The following SEMA5A variants were observed in gnomAD, a reference collection of about 807,000 sequenced individuals.
SEMA5A encodes semaphorin-5A.
SEMA5A carries 55 observed loss-of-function variants against 135.5 expected under a neutral mutation model. The ratio of observed to expected loss-of-function variants is 0.41; its 90% CI spans 0.33 to 0.51. SEMA5A has a LOEUF of 0.51. Ranked by LOEUF, SEMA5A falls within the 20% of genes least tolerant of loss-of-function variation. SEMA5A has a pLI of 0.37. For synonymous variants in SEMA5A, 580 were observed against 546.5 expected, an observed-to-expected ratio of 1.06 and a Z score of -0.85; for missense variants, 1,290 against 1,419.9, an observed-to-expected ratio of 0.91 and a Z score of 1.47.
At chr5:9,434,987 A>G (rs1472235893) in intron 2 of SEMA5A, among the ~76,000 whole-genome samples, 1 of 152,228 alleles carries the variant, frequency 6.6e-6, no homozygotes, top group Non-Finnish European at 1.5e-5. Context: ...GATATAGTAG[A>G]GAGTCAAATA....
intron 2 of SEMA5A, among the ~76,000 whole-genome samples, chr5:9,380,742 A>G (rs544012280): frequency 3.3e-5 from 5 of 152,366 alleles, no homozygotes; most frequent in African/African-American, 4.8e-5. Flanking sequence ...AAAGTAATAC[A>G]GGCCTGTAAA....
In SEMA5A at chr5:9,343,214, C is replaced by T. The variant is rs573305108; in HGVS notation, c.125-5402G>A. On this transcript the variant is annotated intron_variant, in intron 3 of 22. Coordinates refer to ENST00000382496, the MANE Select transcript of SEMA5A (RefSeq NM_003966.3). ...AAACCATTCATCATTTTTTATTACC[C>T]AAGTGTCTTTATGTAAGTATGGAGG... Among the ~76,000 whole-genome samples, 5 of 152,232 alleles carry T rather than the reference C, an allele frequency of 3.3e-5. 1 individual carries two copies. In the South Asian group the frequency reaches 8.3e-4, roughly 25 times the overall value.
intron 18 of SEMA5A, among the ~76,000 whole-genome samples, chr5:9,059,177 T>G (rs1158933587): frequency 6.6e-6 from 1 of 150,944 alleles, no homozygotes; most frequent in Non-Finnish European, 1.5e-5. Flanking sequence ...TTTTCTTTTT[T>G]TTTTTTATAC....
intron 3 of SEMA5A, among the ~76,000 whole-genome samples, chr5:9,354,838 G>A (rs898022078): frequency 6.6e-6 from 1 of 152,172 alleles, no homozygotes; most frequent in Non-Finnish European, 1.5e-5. Flanking sequence ...ACAAGAAAAA[G>A]CCACATAGAG....
chr5:9,146,242 T>C (rs532146946), intron 12 of SEMA5A, among the ~76,000 whole-genome samples: 5 of 152,204 alleles, frequency 3.3e-5, no homozygotes, highest in African/African-American at 4.8e-5. Flanking sequence ...AATTAGCACT[T>C]ACCACTTTTG....
At chr5:9,313,403 T>A (rs1429922108) in intron 5 of SEMA5A, among the ~76,000 whole-genome samples, 2 of 152,066 alleles carry the variant, frequency 1.3e-5, no homozygotes. Context: ...TTAACGTTAC[T>A]TTTCTTTTCT....
At chr5:9,094,697 A>G (rs533209650) in intron 16 of SEMA5A, among the ~76,000 whole-genome samples, 2 of 152,332 alleles carry the variant, frequency 1.3e-5, no homozygotes, top group East Asian at 3.9e-4. Flanking sequence ...TTCTCACACA[A>G]TGACATTAGA....
At chr5:9,067,139 T>C (rs1364896771) in intron 16 of SEMA5A, among the ~76,000 whole-genome samples, 1 of 152,208 alleles carries the variant, frequency 6.6e-6, no homozygotes, top group African/African-American at 2.4e-5. Flanking sequence ...AGACTTTTTT[T>C]ACGTATAAGG....
chr5:9,310,065 T>C (rs1752055577), intron 5 of SEMA5A, among the ~76,000 whole-genome samples: 2 of 152,128 alleles, frequency 1.3e-5, no homozygotes, highest in South Asian at 4.1e-4. Flanking sequence ...TCATATTGTG[T>C]TCACTCATCA....
intron 1 of SEMA5A, among the ~76,000 whole-genome samples, chr5:9,480,978 T>C (rs921303955): frequency 3.3e-5 from 5 of 152,128 alleles, no homozygotes; most frequent in African/African-American, 9.7e-5. Flanking sequence ...TAGAGTCTCA[T>C]TCTGTTGCCC....
intron 15 of SEMA5A, among the ~76,000 whole-genome samples, chr5:9,118,253 C>A (rs1006624682): frequency 3.3e-5 from 5 of 152,114 alleles, no homozygotes; most frequent in African/African-American, 4.8e-5. Flanking sequence ...ATGAAATTTA[C>A]CTACTTGAAT....
At chr5:9,491,946 C>G (rs55982539) in intron 1 of SEMA5A, among the ~76,000 whole-genome samples, 5 of 152,350 alleles carry the variant, frequency 3.3e-5, no homozygotes, top group African/African-American at 1.2e-4. Flanking sequence ...ACTATTCTCT[C>G]TCTTCCTTGG....
chr5:9,282,983 G>C (rs907007010), intron 5 of SEMA5A, among the ~76,000 whole-genome samples: 1 of 152,124 alleles, frequency 6.6e-6, no homozygotes, highest in Admixed American at 6.5e-5. Flanking sequence ...CTCCAAGAGG[G>C]AACCAGACCT....
intron 11 of SEMA5A, among the ~76,000 whole-genome samples, chr5:9,182,058 T>C (rs1744543869): frequency 6.6e-6 from 1 of 152,082 alleles, no homozygotes; most frequent in South Asian, 2.1e-4. Context: ...CGTTTCTTCT[T>C]ACCACTGAAA....
At chr5:9,318,150 C>A (rs1165984580) in intron 5 of SEMA5A, among the ~76,000 whole-genome samples, 1 of 152,120 alleles carries the variant, frequency 6.6e-6, no homozygotes, top group Non-Finnish European at 1.5e-5. Context: ...ATCCACGGAA[C>A]AAACAGGGCC....
chr5:9,388,616 T>C (rs1351971173), intron 2 of SEMA5A, among the ~76,000 whole-genome samples: 2 of 152,108 alleles, frequency 1.3e-5, no homozygotes, highest in African/African-American at 2.4e-5. Context: ...ATTCCAGTTA[T>C]AGGCCGCGCG....
intron 2 of SEMA5A, among the ~76,000 whole-genome samples, chr5:9,387,173 C>T (rs984252609): frequency 1.3e-5 from 2 of 152,206 alleles, no homozygotes; most frequent in Non-Finnish European, 2.9e-5. Flanking sequence ...AAACCACATA[C>T]TTATGGCCAC....
At chr5:9,116,270 T>C (rs1194070613) in intron 15 of SEMA5A, among the ~76,000 whole-genome samples, 1 of 152,200 alleles carries the variant, frequency 6.6e-6, no homozygotes, top group African/African-American at 2.4e-5. Context: ...ACAAAGTTTA[T>C]GGAACTACCA....
chr5:9,146,937 T>A (rs911411553), intron 12 of SEMA5A, among the ~76,000 whole-genome samples: 10 of 152,222 alleles, frequency 6.6e-5, no homozygotes, highest in Admixed American at 6.5e-4. Flanking sequence ...AATGGGTACA[T>A]GTCAAAATGT....
Sources: gnomAD v4.1 joint callset for allele counts (sites outside exome capture counted in the v4.1 genomes callset) on GRCh38, gnomAD v4.1.1 for gene constraint, MANE v1.5 for transcripts, NCBI Gene and HGNC (gene_info 2026-07-23, HGNC 2026-07-21) for gene names.